Variants in HERC2 observed in about 807,000 individuals in gnomAD.
HERC2 encodes the protein E3 ubiquitin-protein ligase HERC2.
In HERC2, 102 loss-of-function variants were observed where a neutral mutation model predicts 537.7. The ratio of observed to expected loss-of-function variants is 0.19; its 90% CI spans 0.16 to 0.22. HERC2 has a LOEUF of 0.22. Among genes scored for constraint, HERC2 ranks in the 10% least tolerant of loss-of-function variants. The pLI is 1.00. For synonymous variants in HERC2, 2,224 were observed against 2,466.2 expected (o/e 0.90, Z 2.91); for missense variants, 4,236 against 6,198.2 (o/e 0.68, Z 10.63).
chr15:28,121,312 C>T (rs1888860424), intron 86 of HERC2, 34 bp downstream of exon 86: 1 of 1,585,004 alleles, frequency 6.3e-7, no homozygotes, highest in African/African-American at 1.3e-5. Flanking sequence ...ACTTCTAAGG[C>T]TGTCAGACTT....
chr15:28,222,305 G>C, intron 35 of HERC2, 90 bp from the exon 36 acceptor site: 1 of 630,464 alleles, frequency 1.6e-6, no homozygotes, highest in Non-Finnish European at 2.9e-6. Context: ...TACTAATGAA[G>C]ATCGTAATTT....
chr15:28,287,594 G>C (rs1024431441), intron 4 of HERC2, among the ~76,000 whole-genome samples: 10 of 152,022 alleles, frequency 6.6e-5, no homozygotes, highest in Non-Finnish European at 4.4e-5. Flanking sequence ...TCAAACATTT[G>C]TGCCAGGCAC....
At chr15:28,131,330 G>A (rs951392387) in intron 81 of HERC2, among the ~76,000 whole-genome samples, 4 of 152,082 alleles carry the variant, frequency 2.6e-5, no homozygotes, top group Non-Finnish European at 5.9e-5. Flanking sequence ...TGCCACTGAT[G>A]AGGGTCTGCT....
chr15:28,266,253 C>A (rs2075565091), intron 12 of HERC2, among the ~76,000 whole-genome samples: 1 of 152,118 alleles, frequency 6.6e-6, no homozygotes, highest in Non-Finnish European at 1.5e-5. Flanking sequence ...CGGTGGCTCA[C>A]ACCTGTAATC....
chr15:28,142,353 A>G lies in HERC2; in HGVS notation c.11585T>C (p.Leu3862Pro). 1.9e-6 allele frequency: 3 copies of G among 1,614,068 alleles called. No homozygotes were observed. Among genetic ancestry groups the G allele is most frequent in the Non-Finnish European group, 2.5e-6 (3 of 1,179,960 alleles). The change falls in exon 76 of 93, where the codon CTG becomes CCG. Residue 3862 changes from leucine (L) to proline (P), a missense_variant. By Grantham distance (98) the Leu-to-Pro change is moderately conservative. Coordinates refer to ENST00000261609, the MANE Select transcript of HERC2 (RefSeq NM_004667.6). ...ALACDLELDT[L>P]PCCAETHKWA... is the part of the protein sequence containing the mutation. ...CTTGTGCGTCTCGGCACAGCAAGGC[A>G]GAGTGTCCAGCTCCAGGTCACAAGC...
At chr15:28,255,797 T>A in intron 19 of HERC2, 75 bp downstream of exon 19, 1 of 1,463,140 alleles carries the variant, frequency 6.8e-7, no homozygotes, top group Non-Finnish European at 9.2e-7. Context: ...TGTTTTCAGT[T>A]ATTCTTCACG....
At chr15:28,172,092 C>G (rs1339488188) in intron 65 of HERC2, among the ~76,000 whole-genome samples, 11 of 151,072 alleles carry the variant, frequency 7.3e-5, no homozygotes, top group African/African-American at 2.7e-4. Context: ...AAAAAAAAAC[C>G]TACACAATAC....
chr15:28,305,958 C>A (rs528934685), intron 2 of HERC2, among the ~76,000 whole-genome samples: 5 of 152,166 alleles, frequency 3.3e-5, no homozygotes, highest in Admixed American at 3.3e-4. Context: ...CAGAGAAATG[C>A]AAATCAAAAC....
intron 35 of HERC2, 50 bp from the exon 36 acceptor site, chr15:28,222,265 C>T: frequency 1.1e-6 from 1 of 891,830 alleles, no homozygotes; most frequent in African/African-American, 1.6e-5. Context: ...GCTACAGTGT[C>T]CCCTTAATAC....
chr15:28,263,378 TC>T (rs1173399699), intron 14 of HERC2, among the ~76,000 whole-genome samples: 1 of 152,236 alleles, frequency 6.6e-6, no homozygotes, highest in Admixed American at 6.5e-5. Flanking sequence ...AGCTGAGTTT[TC>T]TTTTTGTTTT....
chr15:28,229,530 A>C lies in HERC2; in HGVS notation c.5050T>G (p.Leu1684Val). ...TILKLASKNF[L>V]LPSVQYAMFC... ...ATCGCATACTGCACAGATGGAAGTA[A>C]GAAATTCTTGCTCGCCAGTTTTAAA... Residue 1684 changes from leucine (L) to valine (V), a missense_variant, in exon 33 of 93, where the codon TTA (leucine) becomes GTA (valine). By Grantham distance (32) the Leu-to-Val change is conservative. This residue lies in a region of HERC2 where 343 missense variants were observed against 417.2 expected (regional missense o/e 0.82). Coordinates refer to ENST00000261609, the MANE Select transcript of HERC2 (RefSeq NM_004667.6). 1 of 1,613,914 alleles carries C rather than the reference A, an allele frequency of 6.2e-7. No homozygotes were observed. The highest frequency in any genetic ancestry group is 8.5e-7 in the Non-Finnish European group (1 of 1,179,824).
In HERC2 at chr15:28,167,693, G is replaced by C. The variant is rs111241258; in HGVS notation, c.10548C>G (p.Thr3516=). 6.2e-7 allele frequency: 1 copy of C among 1,614,094 alleles called. No homozygotes were observed. The highest frequency in any genetic ancestry group is 8.5e-7 in the Non-Finnish European group (1 of 1,180,004). Residue 3516 remains threonine (T), a synonymous_variant, in exon 68 of 93, where the codon ACC becomes ACG. Transcript: ENST00000261609. ...ASIIAETMTK[T]KEDVESQNKA... is the part of the protein sequence containing the mutation. ...AAGAAGAACGCCTCTTCACCTCTTT[G>C]GTTTTGGTCATGGTTTCTGCAATGA...
rs560645406 is a variant in HERC2, at chr15:28,116,649, C to A, written c.13609+16G>T. On this transcript the variant is annotated intron_variant, in intron 88 of 92. Coordinates refer to ENST00000261609, the MANE Select transcript of HERC2 (RefSeq NM_004667.6). ...CAGGCCACAGCGACACAGTCTCAAG[C>A]GGCCGAGAAGCTCACCCAGGAAGCG... 2 of 1,595,840 alleles carry A rather than the reference C, an allele frequency of 1.3e-6. No individual in the cohort carries two copies. The highest frequency in any genetic ancestry group is 1.7e-6 in the Non-Finnish European group (2 of 1,169,410).
chr15:28,222,950 AC>A (rs1360592231), intron 35 of HERC2, among the ~76,000 whole-genome samples: 1 of 152,052 alleles, frequency 6.6e-6, no homozygotes, highest in Non-Finnish European at 1.5e-5. Flanking sequence ...GGAAGCTTGT[AC>A]CTGCTTTCCT....
intron 78 of HERC2, among the ~76,000 whole-genome samples, chr15:28,140,357 A>C (rs539252067): frequency 3.9e-5 from 6 of 152,126 alleles, no homozygotes; most frequent in Non-Finnish European, 8.8e-5. Flanking sequence ...GGAAAAATAA[A>C]AGAGAGGTAG....
intron 70 of HERC2, among the ~76,000 whole-genome samples, chr15:28,148,321 A>G (rs577973362): frequency 6.6e-6 from 1 of 152,298 alleles, no homozygotes; most frequent in South Asian, 2.1e-4. Flanking sequence ...ATGCTACCTT[A>G]AGACAAATAG....
At chr15:28,200,519 T>C (rs985277462) in intron 48 of HERC2, among the ~76,000 whole-genome samples, 1 of 152,142 alleles carries the variant, frequency 6.6e-6, no homozygotes, top group African/African-American at 2.4e-5. Context: ...AATAAATGTC[T>C]GTTGTTGAAG....
intron 83 of HERC2, among the ~76,000 whole-genome samples, chr15:28,129,775 GCCT>G (rs1217543770): frequency 2.9e-4 from 33 of 114,432 alleles, no homozygotes; most frequent in African/African-American, 9.3e-4. Flanking sequence ...ATAAGCCTCT[GCCT>G]CCTTTTTTTT....
At chr15:28,119,111 T>C (rs1223027710) in intron 86 of HERC2, among the ~76,000 whole-genome samples, 10 of 151,398 alleles carry the variant, frequency 6.6e-5, no homozygotes, top group Admixed American at 6.6e-4. Context: ...CCACTAAAAA[T>C]ACAAAAAAGG....
Sources: allele counts gnomAD v4.1 joint callset (sites outside exome capture counted in the v4.1 genomes callset), GRCh38; gene constraint gnomAD v4.1.1; regional missense constraint gnomAD v4.1.1; transcripts MANE v1.5; gene names NCBI Gene and HGNC (gene_info 2026-07-23, HGNC 2026-07-21).